NFATC1: variants seen among roughly 807,000 people sequenced by gnomAD.
NFATC1 encodes the protein nuclear factor of activated T-cells, cytoplasmic 1.
Under a neutral mutation model 76.0 loss-of-function variants are expected in NFATC1, and 22 were observed. That is an observed-to-expected ratio of 0.29 (90% CI 0.21 to 0.41). The LOEUF (loss-of-function observed/expected upper bound fraction) is 0.41. Among genes scored for constraint, NFATC1 ranks in the 10% least tolerant of loss-of-function variants. NFATC1 has a pLI of 1.00. For missense variants in NFATC1, 1,357 were observed against 1,337.7 expected (o/e 1.01, Z -0.23); for synonymous variants, 704 against 613.1 (o/e 1.15, Z -2.19).
chr18:79,401,844 C>T (rs901594822), intron 1 of NFATC1, among the ~76,000 whole-genome samples: 1 of 152,218 alleles, frequency 6.6e-6, no homozygotes, highest in Non-Finnish European at 1.5e-5. Flanking sequence ...TGTGGGCCTG[C>T]GACAGGCCCA....
chr18:79,478,307 T>G (rs181474441), intron 8 of NFATC1, among the ~76,000 whole-genome samples: 2 of 152,232 alleles, frequency 1.3e-5, no homozygotes, highest in African/African-American at 4.8e-5. Context: ...GGGGCCCTGA[T>G]CTGGGAGCCG....
intron 1 of NFATC1, among the ~76,000 whole-genome samples, chr18:79,404,398 TCCCG>T (rs1216289094): frequency 6.6e-6 from 1 of 152,240 alleles, no homozygotes; most frequent in East Asian, 1.9e-4. Flanking sequence ...CCTGACCACG[TCCCG>T]GTGCCACTGT....
intron 2 of NFATC1, among the ~76,000 whole-genome samples, chr18:79,412,294 C>G (rs1442142819): frequency 6.6e-6 from 1 of 152,242 alleles, no homozygotes; most frequent in Non-Finnish European, 1.5e-5. Flanking sequence ...GGATTTTTAT[C>G]TGAGGCATGA....
At chr18:79,476,693 G>C (rs931319117) in intron 8 of NFATC1, among the ~76,000 whole-genome samples, 1 of 152,164 alleles carries the variant, frequency 6.6e-6, no homozygotes, top group African/African-American at 2.4e-5. Flanking sequence ...CTCTCACCCC[G>C]ACCGACACAC....
intron 9 of NFATC1, among the ~76,000 whole-genome samples, chr18:79,506,076 TAGGGAGGGGCTGGG>T (rs1399039064): frequency 1.3e-5 from 2 of 152,190 alleles, no homozygotes; most frequent in Non-Finnish European, 2.9e-5. Context: ...GCTGTGTGTT[TAGGGAGGGGCTGGG>T]AGACCCTAGC....
Position 79,447,281 on chromosome 18 carries a change from C to T in NFATC1, c.1387-1501C>T, listed in dbSNP as rs371609078. 1.1e-3 allele frequency among the ~76,000 whole-genome samples: 169 copies of T among 152,362 alleles called. 1 individual carries two copies. The highest frequency in any genetic ancestry group is 3.7e-3 in the African/African-American group (155 of 41,588). ...TCTGAGAATCCGCCGTCCCCTGGCC[C>T]GGGCTCCCCCGCCTTCTCCCTCGCC... On this transcript the variant is annotated intron_variant, in intron 3 of 9. Transcript: ENST00000427363.
At position 79,528,991 on chromosome 18, in the gene NFATC1, G is replaced by C. The variant is rs1458154975; in HGVS notation, c.*1414G>C. ...GCCTGAATTGCACCTGCGGGTGGAG[G>C]CTCCGGCTGTGAAGTCACTGAACAG... is the stretch of plus-strand genomic sequence containing the variant. On this transcript the variant is annotated 3_prime_UTR_variant, in exon 10 of 10. Coordinates refer to ENST00000427363, the MANE Select transcript of NFATC1 (RefSeq NM_001278669.2). The C allele has an allele frequency of 6.6e-6, 1 of 152,576 alleles. No homozygotes were observed. The highest frequency in any genetic ancestry group is 1.5e-5 in the Non-Finnish European group (1 of 68,044). 9.5% of individuals were successfully genotyped at this position (152,576 alleles called of 1,614,324 possible). A position where few individuals can be genotyped will look rare whatever the true frequency, so the allele number is the denominator to read the frequency against.
At chr18:79,406,142 G>T (rs1462012838) in intron 1 of NFATC1, among the ~76,000 whole-genome samples, 4 of 150,676 alleles carry the variant, frequency 2.7e-5, no homozygotes, top group Non-Finnish European at 5.9e-5. Context: ...TGGTGGGGAG[G>T]CCCCAAGACT....
chr18:79,409,403 T>TCATCCATC (rs1432337636), intron 1 of NFATC1, among the ~76,000 whole-genome samples: 1 of 151,230 alleles, frequency 6.6e-6, no homozygotes, highest in Non-Finnish European at 1.5e-5. Context: ...CCTCCATTCC[T>TCATCCATC]CGTCCATCCA....
chr18:79,481,694 G>A (rs1013285012), intron 8 of NFATC1, among the ~76,000 whole-genome samples: 1 of 152,276 alleles, frequency 6.6e-6, no homozygotes, highest in African/African-American at 2.4e-5. Flanking sequence ...CGTGAGCCAG[G>A]CTTGAGCGTT....
chr18:79,478,154 C>T (rs986869033), intron 8 of NFATC1, among the ~76,000 whole-genome samples: 1 of 138,340 alleles, frequency 7.2e-6, no homozygotes, highest in Non-Finnish European at 1.6e-5. Flanking sequence ...CCCTGTGCTG[C>T]AGACAGAGCC....
chr18:79,415,085 C>T (rs906339400), intron 2 of NFATC1, among the ~76,000 whole-genome samples: 1 of 152,222 alleles, frequency 6.6e-6, no homozygotes, highest in Non-Finnish European at 1.5e-5. Context: ...TCTGTGCCGA[C>T]ATCTGCTCTT....
At chr18:79,436,542 C>T (rs1214603673) in intron 3 of NFATC1, among the ~76,000 whole-genome samples, 2 of 152,176 alleles carry the variant, frequency 1.3e-5, no homozygotes, top group African/African-American at 2.4e-5. Context: ...ACCCGGCGTC[C>T]GCGTCCTCCC....
At chr18:79,484,401 C>T (rs2089435082) in intron 8 of NFATC1, among the ~76,000 whole-genome samples, 1 of 152,114 alleles carries the variant, frequency 6.6e-6, no homozygotes, top group Admixed American at 6.5e-5. Flanking sequence ...TTCTTCCTGC[C>T]TCCTGGACGT....
intron 9 of NFATC1, among the ~76,000 whole-genome samples, chr18:79,521,983 A>G (rs373330725): frequency 0.043 from 3,251 of 75,470 alleles, 141 homozygotes; most frequent in Admixed American, 0.086. Context: ...GGGAGGGGGC[A>G]TCTGCTGATA....
chr18:79,449,600 C>T (rs757504847), intron 4 of NFATC1, among the ~76,000 whole-genome samples: 19 of 152,206 alleles, frequency 1.2e-4, no homozygotes, highest in Non-Finnish European at 2.1e-4. Flanking sequence ...CGAAAACAGA[C>T]ACATCTGTGG....
At chr18:79,463,803 G>A (rs1353186993) in intron 7 of NFATC1, among the ~76,000 whole-genome samples, 1 of 152,184 alleles carries the variant, frequency 6.6e-6, no homozygotes, top group Non-Finnish European at 1.5e-5. Context: ...CACAGGCTTC[G>A]CCAGCCCCGC....
intron 6 of NFATC1, among the ~76,000 whole-genome samples, chr18:79,460,902 T>C (rs2088034019): frequency 6.6e-6 from 1 of 152,060 alleles, no homozygotes; most frequent in Non-Finnish European, 1.5e-5. Flanking sequence ...GGGTACCTGC[T>C]CCCCCTCACA....
rs151248457 is a variant in NFATC1 at position 79,480,557 on chromosome 18, C to T, written c.2093-5691C>T. ...CCACCACCATCCTAGGTCAGGACTT[C>T]CCCAGGAAGAATCCAAGTGGCTGGA... On this transcript the variant is annotated intron_variant, in intron 8 of 9. Coordinates refer to ENST00000427363, the MANE Select transcript of NFATC1 (RefSeq NM_001278669.2). Among the ~76,000 whole-genome samples the T allele has an allele frequency of 3.1e-3, 471 of 152,286 alleles. 1 individual carries two copies. The highest frequency in any genetic ancestry group is 3.7e-3 in the Non-Finnish European group (251 of 68,014).
Sources: gnomAD v4.1 joint callset for allele counts (sites outside exome capture counted in the v4.1 genomes callset) on GRCh38, gnomAD v4.1.1 for gene constraint, MANE v1.5 for transcripts, NCBI Gene and HGNC (gene_info 2026-07-23, HGNC 2026-07-21) for gene names.